Variants in ING1 observed in about 807,000 individuals in gnomAD.
The protein encoded by ING1 is inhibitor of growth protein 1.
ING1 carries 4 observed loss-of-function variants against 23.1 expected under a neutral mutation model. The observed-to-expected ratio is 0.17, with a 90% CI of 0.09 to 0.40. The LOEUF (loss-of-function observed/expected upper bound fraction) is 0.40. ING1 is among the 10% of genes least tolerant of loss of function. The pLI is 1.00. For synonymous variants in ING1, 179 were observed against 166.4 expected (o/e 1.08, Z -0.58); for missense variants, 256 against 393.8 (o/e 0.65, Z 2.96).
chr13:110,716,259 C>T (rs1168175475), intron 1 of ING1, among the ~76,000 whole-genome samples: 2 of 152,200 alleles, frequency 1.3e-5, no homozygotes, highest in Non-Finnish European at 2.9e-5. Flanking sequence ...TGGGGAGAGC[C>T]TGGCTTGCTG....
chr13:110,720,055 A>C lies in ING1; in HGVS notation c.*123A>C. ...TTTAAAGAATGTTAGTAAAGGAACC[A>C]TTCCTTTCATAGGGATGGCAGTGAT... is the stretch of plus-strand genomic sequence containing the variant. On this transcript the variant is annotated 3_prime_UTR_variant, in exon 2 of 2. Transcript: ENST00000333219. 1 of 720,174 alleles carries C rather than the reference A, an allele frequency of 1.4e-6. No homozygotes were observed. The highest frequency in any genetic ancestry group is 2.2e-6 in the Non-Finnish European group (1 of 454,756). The allele number at this position is 720,174 out of a possible 1,614,324, so 44.6% of individuals were successfully genotyped here. A position where few individuals can be genotyped will look rare whatever the true frequency, so the allele number is the denominator to read the frequency against.
intron 1 of ING1, chr13:110,714,936 G>C: frequency 1.0e-6 from 1 of 968,764 alleles, no homozygotes; most frequent in Non-Finnish European, 1.2e-6. Context: ...TGCGGAGGAC[G>C]AGGGCTTTTC....
At chr13:110,715,229 T>A (rs1437338685) in intron 1 of ING1, 1 of 1,305,466 alleles carries the variant, frequency 7.7e-7, no homozygotes, top group East Asian at 2.9e-5. Context: ...CACTCGGAGT[T>A]TACTAATGTT....
rs2139964289 is a variant in ING1 at position 110,713,996 on chromosome 13, T to C, written c.-154T>C. On this transcript the variant is annotated 5_prime_UTR_variant, in exon 1 of 2. Coordinates refer to ENST00000333219, the MANE Select transcript of ING1 (RefSeq NM_198219.3). ...GCGGACCCGGAGGCGGCGGACGGGC[T>C]CGGCAGATGTAGCCGCCGGGCCGAA... The C allele has an allele frequency of 8.8e-7, 1 of 1,139,088 alleles. No homozygotes were observed. The highest frequency in any genetic ancestry group is 1.1e-6 in the Non-Finnish European group (1 of 928,468). The allele number at this position is 1,139,088 out of a possible 1,614,324, so 70.6% of individuals were successfully genotyped here.
At chr13:110,713,026 G>A (rs747997525), upstream of ING1, 30 of 1,498,370 alleles carry the variant, frequency 2.0e-5, no homozygotes, top group Admixed American at 1.5e-4. Flanking sequence ...ACACCGAGAG[G>A]GTGCCAGTGC....
chr13:110,712,911 G>A (rs1349144247), upstream of ING1: 7 of 1,540,724 alleles, frequency 4.5e-6, no homozygotes, highest in Admixed American at 1.9e-5. Flanking sequence ...AAGGGAGGGC[G>A]GTGACGGATG....
chr13:110,713,037 G>C (rs538970846), upstream of ING1: 97 of 1,479,088 alleles, frequency 6.6e-5, no homozygotes, highest in South Asian at 7.2e-4. Context: ...GTGCCAGTGC[G>C]CATGCGCCGC....
upstream of ING1, chr13:110,713,625 C>T (rs899844655): frequency 1.7e-5 from 17 of 983,200 alleles, no homozygotes; most frequent in Non-Finnish European, 1.9e-5. Flanking sequence ...GGGCCGTTGC[C>T]GGGGGAGGGG....
chr13:110,718,886 C>T (rs188253019), intron 1 of ING1, among the ~76,000 whole-genome samples: 41 of 152,258 alleles, frequency 2.7e-4, no homozygotes, highest in African/African-American at 8.7e-4. Flanking sequence ...TGTTGGGTCC[C>T]GAGCACTGCA....
At chr13:110,717,880 G>T (rs1037865000) in intron 1 of ING1, among the ~76,000 whole-genome samples, 17 of 152,198 alleles carry the variant, frequency 1.1e-4, no homozygotes, top group Admixed American at 7.2e-4. Flanking sequence ...CTGCAAAAAG[G>T]TTTTAGGAGA....
intron 1 of ING1, among the ~76,000 whole-genome samples, chr13:110,716,423 T>C (rs563513006): frequency 6.6e-6 from 1 of 152,194 alleles, no homozygotes; most frequent in Non-Finnish European, 1.5e-5. Flanking sequence ...TCGGTGTAAA[T>C]GCTGAGCTCT....
chr13:110,713,126 G>A (rs1320137018), upstream of ING1: 1 of 1,427,742 alleles, frequency 7.0e-7, no homozygotes, highest in Non-Finnish European at 9.2e-7. Flanking sequence ...AGTCCGGGGG[G>A]CATTACTCAC....
chr13:110,719,344 G>C lies in ING1; in HGVS notation c.252G>C (p.Leu84=). 1 of 1,609,074 alleles carries C rather than the reference G, an allele frequency of 6.2e-7. No individual in the cohort carries two copies. Among genetic ancestry groups the C allele is most frequent in the South Asian group, 1.1e-5 (1 of 91,056 alleles). The change falls in exon 2 of 2, where the codon CTG becomes CTC. Residue 84 remains leucine (L), a synonymous_variant. Coordinates refer to ENST00000333219, the MANE Select transcript of ING1 (RefSeq NM_198219.3). The surrounding 1 kb of genome is among the most constrained non-coding windows in gnomAD (Gnocchi z 8.9). ...GCGCGCTGATCCGCAGCCAGGAGCT[G>C]GGCGACGAGAAGATCCAGATCGTGA... The part of the protein sequence containing the change: ...VQRALIRSQE[L]GDEKIQIVSQ...
At chr13:110,716,943 T>C (rs551759238) in intron 1 of ING1, among the ~76,000 whole-genome samples, 2 of 152,216 alleles carry the variant, frequency 1.3e-5, no homozygotes, top group Non-Finnish European at 2.9e-5. Flanking sequence ...ATCAAAGAAA[T>C]ATTAGGTAAC....
At chr13:110,714,962 G>T in intron 1 of ING1, 1 of 981,800 alleles carries the variant, frequency 1.0e-6, no homozygotes, top group Non-Finnish European at 1.2e-6. Context: ...GTGCCGTAGG[G>T]AAGGGAAGGG....
Position 110,713,908 on chromosome 13 carries a change from G to A in ING1, c.-242G>A. ...GCCTGAGAGGGGGCCTGCGCCGCCG[G>A]CCGGGGCGTGCGCCCGGGAGCCACC... On this transcript the variant is annotated 5_prime_UTR_variant, in exon 1 of 2. Coordinates refer to ENST00000333219, the MANE Select transcript of ING1 (RefSeq NM_198219.3). 1 of 981,506 alleles carries A rather than the reference G, an allele frequency of 1.0e-6. No individual in the cohort carries two copies. Among genetic ancestry groups the A allele is most frequent in the Non-Finnish European group, 1.2e-6 (1 of 829,372 alleles). The allele number at this position is 981,506 out of a possible 1,614,324, so 60.8% of individuals were successfully genotyped here.
intron 1 of ING1, among the ~76,000 whole-genome samples, chr13:110,714,748 C>T (rs755855723): frequency 2.0e-5 from 3 of 152,192 alleles, no homozygotes; most frequent in Non-Finnish European, 4.4e-5. Context: ...CAACGCCGTT[C>T]CTCTGGCCCT....
chr13:110,712,898 A>G, upstream of ING1: 1 of 1,506,236 alleles, frequency 6.6e-7, no homozygotes, highest in Non-Finnish European at 9.0e-7. Flanking sequence ...GGGAGACGAC[A>G]CAAAGGGAGG....
In ING1 at chr13:110,715,430, A is replaced by G. The variant is rs201414739; in HGVS notation, c.136+1145A>G. On this transcript the variant is annotated intron_variant, in intron 1 of 1. Coordinates refer to ENST00000333219, the MANE Select transcript of ING1 (RefSeq NM_198219.3). ...ATGGAACGTCCCGCCTCAGCCCCCC[A>G]GTAGTTGGCTGTGATGTCCTTCGTG... The G allele has an allele frequency of 1.3e-4, 210 of 1,564,796 alleles. 2 individuals carry two copies. Among genetic ancestry groups the G allele is most frequent in the Non-Finnish European group, 1.9e-5 (22 of 1,152,868 alleles).
Sources: allele counts gnomAD v4.1 joint callset (sites outside exome capture counted in the v4.1 genomes callset), GRCh38; gene constraint gnomAD v4.1.1; non-coding constraint Gnocchi (gnomAD v3.1); transcripts MANE v1.5; gene names NCBI Gene and HGNC (gene_info 2026-07-23, HGNC 2026-07-21).